Variants in NPY2R observed in about 807,000 individuals in gnomAD.
NPY2R encodes the protein neuropeptide Y receptor type 2.
Under a neutral mutation model 22.3 loss-of-function variants are expected in NPY2R, and 17 were observed. That is an observed-to-expected ratio of 0.76 (90% CI 0.52 to 1.14). The LOEUF is 1.14. Among genes scored for constraint, NPY2R ranks in the 50% most tolerant of loss-of-function variants. NPY2R has a pLI of 0.00. For missense variants in NPY2R, 424 were observed against 467.9 expected, an observed-to-expected ratio of 0.91 and a Z score of 0.87; for synonymous variants, 209 against 183.4, an observed-to-expected ratio of 1.14 and a Z score of -1.13.
chr4:155,197,153 A>G, the NPY2R span, among the ~76,000 whole-genome samples: 1 of 151,966 alleles, frequency 6.6e-6, no homozygotes, highest in Non-Finnish European at 1.5e-5. Flanking sequence ...TTTCACTGTC[A>G]TGTTTAAAAA....
chr4:155,199,090 A>G, the NPY2R span, among the ~76,000 whole-genome samples: 1 of 152,018 alleles, frequency 6.6e-6, no homozygotes, highest in African/African-American at 2.4e-5. Flanking sequence ...CAAATTGTTT[A>G]TGTGTACTGA....
the NPY2R span, among the ~76,000 whole-genome samples, chr4:155,174,484 A>ATATATATATATATATATATTT: frequency 2.4e-3 from 249 of 105,920 alleles, 3 homozygotes; most frequent in South Asian, 8.3e-3. Context: ...ATATATATAT[A>ATATATATATATATATATATTT]TTTTTTTTTT....
the NPY2R span, among the ~76,000 whole-genome samples, chr4:155,185,966 A>G: frequency 6.6e-6 from 1 of 152,144 alleles, no homozygotes; most frequent in African/African-American, 2.4e-5. Flanking sequence ...CACGTCTGAA[A>G]AGTGACAAGA....
the NPY2R span, among the ~76,000 whole-genome samples, chr4:155,189,198 G>T: frequency 6.6e-6 from 1 of 151,952 alleles, no homozygotes; most frequent in African/African-American, 2.4e-5. Flanking sequence ...ACCTCTCAAT[G>T]ACTGTACATT....
the NPY2R span, among the ~76,000 whole-genome samples, chr4:155,184,761 C>T: frequency 6.9e-6 from 1 of 144,742 alleles, no homozygotes; most frequent in Non-Finnish European, 1.5e-5. Flanking sequence ...ATTGCACAAT[C>T]TATTAGTCTA....
the NPY2R span, among the ~76,000 whole-genome samples, chr4:155,175,409 T>G: frequency 6.6e-6 from 1 of 152,280 alleles, no homozygotes; most frequent in East Asian, 1.9e-4. Context: ...AAGAAAGTTC[T>G]ATCTGTACTA....
the NPY2R span, among the ~76,000 whole-genome samples, chr4:155,195,408 G>T: frequency 6.6e-6 from 1 of 151,938 alleles, no homozygotes; most frequent in East Asian, 1.9e-4. Flanking sequence ...TGACCTTAGT[G>T]TCCGGGGCAG....
chr4:155,213,810 T>G, intron 1 of NPY2R, 82 bp from the exon 2 acceptor site: 1 of 779,196 alleles, frequency 1.3e-6, no homozygotes. Flanking sequence ...TTTGTGAAAT[T>G]TCTTTGCTTC....
Position 155,213,925 on chromosome 4 carries a change from G to A in NPY2R, c.-15G>A. 6.2e-7 allele frequency: 1 copy of A among 1,611,076 alleles called. No homozygotes were observed. The highest frequency in any genetic ancestry group is 1.3e-5 in the African/African-American group (1 of 74,946). ...CTCTTGTGCTGGTTGCAGGCCAAGTGGACCTGTACTGAAAATGGGTCCAAT... is the reference window on the plus strand; with the variant it reads ...CTCTTGTGCTGGTTGCAGGCCAAGTAGACCTGTACTGAAAATGGGTCCAAT... On this transcript the variant is annotated 5_prime_UTR_variant, in exon 2 of 2. Coordinates refer to ENST00000329476, the MANE Select transcript of NPY2R (RefSeq NM_000910.4).
At chr4:155,209,688 C>CT (rs2111036685) in intron 1 of NPY2R, among the ~76,000 whole-genome samples, 1 of 152,244 alleles carries the variant, frequency 6.6e-6, no homozygotes, top group South Asian at 2.1e-4. Flanking sequence ...CTTCTTCCCC[C>CT]TCCCCTGCCC....
chr4:155,174,983 T>C, the NPY2R span, among the ~76,000 whole-genome samples: 3 of 152,116 alleles, frequency 2.0e-5, no homozygotes, highest in Non-Finnish European at 4.4e-5. Flanking sequence ...GAGAAAATTT[T>C]AAAATCTTTA....
the NPY2R span, among the ~76,000 whole-genome samples, chr4:155,178,619 GTTTC>G: frequency 2.4e-4 from 36 of 152,202 alleles, no homozygotes; most frequent in Middle Eastern, 0.024. Context: ...TTGTGTATTT[GTTTC>G]TTTATCATTT....
the NPY2R span, among the ~76,000 whole-genome samples, chr4:155,174,484 A>ATATATATGTATATT: frequency 7.5e-5 from 8 of 106,120 alleles, no homozygotes; most frequent in African/African-American, 3.2e-4. Context: ...ATATATATAT[A>ATATATATGTATATT]TTTTTTTTTT....
the NPY2R span, among the ~76,000 whole-genome samples, chr4:155,197,925 C>T: frequency 1.3e-5 from 2 of 151,918 alleles, no homozygotes; most frequent in African/African-American, 2.4e-5. Context: ...GTGTGCCTGG[C>T]GGGCTCTGCA....
At chr4:155,180,305 T>C in the NPY2R span, among the ~76,000 whole-genome samples, 9 of 152,302 alleles carry the variant, frequency 5.9e-5, no homozygotes, top group African/African-American at 2.2e-4. Flanking sequence ...TTGTATTTTT[T>C]ATAAACTTTA....
At chr4:155,203,667 A>G (rs1729231104), upstream of NPY2R, among the ~76,000 whole-genome samples, 2 of 152,170 alleles carry the variant, frequency 1.3e-5, no homozygotes, top group African/African-American at 4.8e-5. Context: ...CCAAATGGCC[A>G]TTAGGATATC....
the NPY2R span, among the ~76,000 whole-genome samples, chr4:155,193,314 G>T: frequency 1.3e-4 from 19 of 151,958 alleles, no homozygotes; most frequent in African/African-American, 4.6e-4. Context: ...AAGCCTAATG[G>T]CTAATGGGTG....
At chr4:155,180,738 A>G in the NPY2R span, among the ~76,000 whole-genome samples, 1 of 151,920 alleles carries the variant, frequency 6.6e-6, no homozygotes, top group Non-Finnish European at 1.5e-5. Context: ...CAGTTTTTGT[A>G]TTAGAGTAGG....
At chr4:155,190,717 TAATTTACCTGG>T in the NPY2R span, among the ~76,000 whole-genome samples, 5 of 151,926 alleles carry the variant, frequency 3.3e-5, no homozygotes, top group African/African-American at 1.2e-4. Flanking sequence ...ATATCAATAG[TAATTTACCTGG>T]AATTTACCTG....
Sources: gnomAD v4.1 joint callset for allele counts (sites outside exome capture counted in the v4.1 genomes callset) on GRCh38, gnomAD v4.1.1 for gene constraint, MANE v1.5 for transcripts, NCBI Gene and HGNC (gene_info 2026-07-23, HGNC 2026-07-21) for gene names.